NDRG2: variants seen among roughly 807,000 people sequenced by gnomAD.
NDRG2 encodes the protein NDRG family member 2.
A neutral mutation model predicts 58.2 loss-of-function variants in NDRG2; 34 were observed. That is an observed-to-expected ratio of 0.58 (90% confidence interval 0.44 to 0.78). The LOEUF is 0.78. Ranked by LOEUF, NDRG2 falls within the 30% of genes least tolerant of loss-of-function variation. The probability of loss-of-function intolerance (pLI) is 0.00; values close to 1 mark genes in which losing one functional copy is unlikely to be tolerated. For missense variants in NDRG2, 434 were observed against 471.2 expected (o/e 0.92, Z 0.73); for synonymous variants, 187 against 175.9 (o/e 1.06, Z -0.50).
intron 1 of NDRG2, among the ~76,000 whole-genome samples, chr14:21,050,423 G>T (rs1594508525): frequency 6.6e-6 from 1 of 152,274 alleles, no homozygotes; most frequent in East Asian, 1.9e-4. Context: ...TGGAGCTCCG[G>T]GTGGGCCTGA....
chr14:21,056,078 A>T (rs1885662466), intron 1 of NDRG2, among the ~76,000 whole-genome samples: 1 of 152,150 alleles, frequency 6.6e-6, no homozygotes, highest in Non-Finnish European at 1.5e-5. Context: ...CAGAATTTTT[A>T]CATTCAGAAA....
intron 1 of NDRG2, among the ~76,000 whole-genome samples, chr14:21,061,912 G>A (rs1393684916): frequency 2.6e-5 from 4 of 152,176 alleles, no homozygotes; most frequent in Non-Finnish European, 5.9e-5. Context: ...ATTCAGGAAT[G>A]TTTTGCTGGT....
Position 21,070,771 on chromosome 14 carries a change from GGTTGGTCCTGCAGCGA to G in NDRG2, c.24+41_24+56del, listed in dbSNP as rs1886720340. ...TCCTTACCCGCGGGAGACCCCTGCG[GGTTGGTCCTGCAGCGA>G]CCCTGGAAGAGGCCCGGCCCCTCGG... On this transcript the variant is annotated intron_variant, in intron 1 of 14. Coordinates refer to the NDRG2 transcript ENST00000403829. The surrounding 1 kb of genome is among the most constrained non-coding windows in gnomAD (Gnocchi z 4.7). The G allele has an allele frequency of 6.6e-7, 1 of 1,526,548 alleles. No homozygotes were observed. 94.6% of individuals were successfully genotyped at this position (1,526,548 alleles called of 1,614,324 possible).
At chr14:21,034,076 G>T (rs1884444729) in intron 1 of NDRG2, 1 of 1,614,166 alleles carries the variant, frequency 6.2e-7, no homozygotes, top group Admixed American at 1.7e-5. Context: ...TCACATAATG[G>T]ATCTTTGGGC....
intron 1 of NDRG2, among the ~76,000 whole-genome samples, chr14:21,040,971 T>C (rs2061094160): frequency 9.3e-6 from 1 of 107,758 alleles, no homozygotes; most frequent in Non-Finnish European, 2.0e-5. Flanking sequence ...TTTGTCTTTG[T>C]TTTTTGTTGT....
At chr14:21,059,342 T>C (rs189721722) in intron 1 of NDRG2, among the ~76,000 whole-genome samples, 33 of 152,278 alleles carry the variant, frequency 2.2e-4, no homozygotes, top group Non-Finnish European at 4.3e-4. Context: ...CCAATACTTT[T>C]GTAAAATACA....
chr14:21,027,575 C>A (rs1053214562), upstream of NDRG2, among the ~76,000 whole-genome samples: 3 of 152,196 alleles, frequency 2.0e-5, no homozygotes, highest in Non-Finnish European at 4.4e-5. Context: ...GGTATAGTAT[C>A]CCCTGATGGA....
At chr14:21,033,153 A>C in intron 1 of NDRG2, 1 of 375,620 alleles carries the variant, frequency 2.7e-6, no homozygotes, top group Middle Eastern at 4.8e-4. Flanking sequence ...GGAAAAAGGA[A>C]GGCAGGGTGA....
At chr14:21,049,692 G>C (rs1475277111) in intron 1 of NDRG2, among the ~76,000 whole-genome samples, 1 of 151,744 alleles carries the variant, frequency 6.6e-6, no homozygotes, top group Non-Finnish European at 1.5e-5. Context: ...GCAAGAACTC[G>C]GGCTTTTTTG....
chr14:21,039,223 G>A (rs1423852714), intron 1 of NDRG2, among the ~76,000 whole-genome samples: 1 of 152,142 alleles, frequency 6.6e-6, no homozygotes, highest in Non-Finnish European at 1.5e-5. Context: ...TGTCCTGTGG[G>A]GAAGACAGGC....
chr14:21,030,725 G>A (rs549030605), upstream of NDRG2: 108 of 1,614,152 alleles, frequency 6.7e-5, 1 homozygote, highest in Middle Eastern at 1.2e-3. Context: ...TCACCTCCAC[G>A]GACGTGGACA....
At chr14:21,030,793 C>G (rs1220947926), upstream of NDRG2, 1 of 1,605,098 alleles carries the variant, frequency 6.2e-7, no homozygotes, top group East Asian at 2.2e-5. Context: ...GTGAGAAGAA[C>G]CTGCGAGGTA....
chr14:21,031,162 T>C (rs772071021), intron 1 of NDRG2: 4 of 1,613,474 alleles, frequency 2.5e-6, no homozygotes, highest in African/African-American at 1.3e-5. Flanking sequence ...CCACTGGCGC[T>C]ACTGTGAGTG....
chr14:21,070,274 C>A lies in NDRG2; in HGVS notation c.24+554G>T, dbSNP rs1886592035. 5 of 1,074,276 alleles carry A rather than the reference C, an allele frequency of 4.7e-6. No homozygotes were observed. Among genetic ancestry groups the A allele is most frequent in the Admixed American group, 4.5e-5 (1 of 22,066 alleles). 66.5% of individuals were successfully genotyped at this position (1,074,276 alleles called of 1,614,324 possible). On this transcript the variant is annotated intron_variant, in intron 1 of 14. Transcript: ENST00000403829. This position sits in a 1 kb window ranked among gnomAD's most constrained non-coding sequence, Gnocchi z 4.7. ...GCCTGGAAGCCGGAGCGGGCCGAGC[C>A]GCCACCGCGGCCGGAGCTGTCCCTT... is the stretch of plus-strand genomic sequence containing the variant.
chr14:21,029,319 G>T (rs901534380), upstream of NDRG2: 2 of 152,126 alleles, frequency 1.3e-5, no homozygotes, highest in East Asian at 1.9e-4. Flanking sequence ...CCTAACTCCC[G>T]GCTGGACGCA....
rs1004357419 is a variant in NDRG2, at chr14:21,065,263, A to C, written c.24+5565T>G. Among the ~76,000 whole-genome samples, 10 of 151,516 alleles carry C rather than the reference A, an allele frequency of 6.6e-5. 1 individual carries two copies. Among genetic ancestry groups the C allele is most frequent in the Admixed American group, 2.0e-4 (3 of 15,250 alleles). ...TCCAACAGACAAACAAACAAACAAAAAAAACCTCATGAGGACTGATTCCAG... is the reference window on the plus strand; with the variant it reads ...TCCAACAGACAAACAAACAAACAAACAAAACCTCATGAGGACTGATTCCAG... On this transcript the variant is annotated intron_variant, in intron 1 of 14. Coordinates refer to the NDRG2 transcript ENST00000403829.
At chr14:21,032,638 C>G in intron 1 of NDRG2, 2 of 341,774 alleles carry the variant, frequency 5.9e-6, no homozygotes, top group Non-Finnish European at 5.7e-6. Context: ...TTTTCAACAC[C>G]CAGCCCAGAA....
intron 1 of NDRG2, among the ~76,000 whole-genome samples, chr14:21,066,893 A>AT (rs1034949014): frequency 2.0e-5 from 3 of 152,224 alleles, no homozygotes; most frequent in Non-Finnish European, 4.4e-5. Context: ...TATCACACAG[A>AT]TTTTTTACCC....
At chr14:21,035,544 T>C (rs1310270575) in intron 1 of NDRG2, among the ~76,000 whole-genome samples, 1 of 152,172 alleles carries the variant, frequency 6.6e-6, no homozygotes, top group East Asian at 1.9e-4. Context: ...TCTTCCAGAT[T>C]TGGGGCCTCC....
Sources: allele counts gnomAD v4.1 joint callset (sites outside exome capture counted in the v4.1 genomes callset), GRCh38; gene constraint gnomAD v4.1.1; non-coding constraint Gnocchi (gnomAD v3.1); transcripts MANE v1.5; gene names NCBI Gene and HGNC (gene_info 2026-07-23, HGNC 2026-07-21).